Variants in SYT17 observed in about 807,000 individuals in gnomAD.
The protein encoded by SYT17 is synaptotagmin-17.
A neutral mutation model predicts 46.7 loss-of-function variants in SYT17; 22 were observed. That is an observed-to-expected ratio of 0.47 (90% CI 0.34 to 0.67). The LOEUF (loss-of-function observed/expected upper bound fraction) is 0.67, where lower values mean the gene tolerates loss of function less well. Among genes scored for constraint, SYT17 ranks in the 30% least tolerant of loss-of-function variants. The pLI, the probability that SYT17 is intolerant of heterozygous loss-of-function variation, is 0.01. For missense variants in SYT17, 519 were observed against 612.8 expected, an observed-to-expected ratio of 0.85 and a Z score of 1.62; for synonymous variants, 251 against 248.4, an observed-to-expected ratio of 1.01 and a Z score of -0.10.
At chr16:19,210,225 A>G (rs1365792733) in intron 5 of SYT17, among the ~76,000 whole-genome samples, 1 of 152,100 alleles carries the variant, frequency 6.6e-6, no homozygotes, top group Non-Finnish European at 1.5e-5. Context: ...CTACTCTACT[A>G]TCAAACATTT....
rs67609928 is a variant in SYT17 at position 19,259,682 on chromosome 16, A to ATT, written c.1229-7186_1229-7185dup. Among the ~76,000 whole-genome samples, 653 of 147,896 alleles carry ATT rather than the reference A, an allele frequency of 4.4e-3. 3 individuals carry two copies. Among genetic ancestry groups the ATT allele is most frequent in the East Asian group, 0.014 (70 of 5,064 alleles). ...TGTGACATCAATTCTGAATGTTTTGATTTTTTTTTTTTTCTTGCCACACTC... is the reference window on the plus strand; with the variant it reads ...TGTGACATCAATTCTGAATGTTTTGATTTTTTTTTTTTTTTCTTGCCACACTC... On this transcript the variant is annotated intron_variant, in intron 7 of 7. Transcript: ENST00000355377.
At position 19,183,788 on chromosome 16, in the gene SYT17, C is replaced by T; in HGVS notation, c.592C>T (p.His198Tyr). 6.2e-7 allele frequency: 1 copy of T among 1,614,200 alleles called. No individual in the cohort carries two copies. The highest frequency in any genetic ancestry group is 8.5e-7 in the Non-Finnish European group (1 of 1,180,040). Residue 198 changes from histidine to tyrosine, a missense_variant, in exon 5 of 8, where the codon CAC becomes TAC. By Grantham distance (83) the His-to-Tyr change is moderately conservative. Coordinates refer to ENST00000355377, the MANE Select transcript of SYT17 (RefSeq NM_016524.4). This position sits in a 1 kb window ranked among gnomAD's most constrained non-coding sequence, Gnocchi z 5.6. Reference sequence around the variant, plus strand: ...CTTCAGCACTCAGTACGACCTGCTGCACAACCACCTCACCGTGCGCGTGAT... The same window carrying T: ...CTTCAGCACTCAGTACGACCTGCTGTACAACCACCTCACCGTGCGCGTGAT... ...LHFSTQYDLL[H>Y]NHLTVRVIEA...
Position 19,168,625 on chromosome 16 carries a change from G to C in SYT17, c.-22G>C. 2 of 1,541,000 alleles carry C rather than the reference G, an allele frequency of 1.3e-6. No homozygotes were observed. Among genetic ancestry groups the C allele is most frequent in the Non-Finnish European group, 1.8e-6 (2 of 1,141,894 alleles). On this transcript the variant is annotated 5_prime_UTR_variant, in exon 1 of 8. Transcript: ENST00000355377. The surrounding 1 kb of genome is among the most constrained non-coding windows in gnomAD (Gnocchi z 6.9). ...CCGTGGCGGCGCCATGCCCGGGCCG[G>C]AGTGAGTGCGCGCGGGCGAAAATGG...
intron 7 of SYT17, among the ~76,000 whole-genome samples, chr16:19,231,103 G>A (rs1328617975): frequency 6.6e-6 from 1 of 152,168 alleles, no homozygotes; most frequent in African/African-American, 2.4e-5. Flanking sequence ...CCTGGGTAGG[G>A]TATTGTCTTC....
At chr16:19,175,199 C>T (rs1227758645) in intron 3 of SYT17, among the ~76,000 whole-genome samples, 1 of 152,118 alleles carries the variant, frequency 6.6e-6, no homozygotes, top group Non-Finnish European at 1.5e-5. Context: ...GTTTTATAAG[C>T]ATTTATTTCT....
At chr16:19,179,106 C>T (rs143281821) in intron 3 of SYT17, among the ~76,000 whole-genome samples, 157 of 151,948 alleles carry the variant, frequency 1.0e-3, no homozygotes, top group Middle Eastern at 3.4e-3. Flanking sequence ...CTGTTTACTA[C>T]GCAACCAAGC....
Position 19,168,468 on chromosome 16 carries a change from G to C in SYT17, c.-179G>C, listed in dbSNP as rs972609197. ...AGAGCCGGAACGCAGGGAAAGGCAA[G>C]GACGGGGCGGCCGGCGGAGGGGCGG... On this transcript the variant is annotated 5_prime_UTR_variant, in exon 1 of 8. Coordinates refer to ENST00000355377, the MANE Select transcript of SYT17 (RefSeq NM_016524.4). This position sits in a 1 kb window ranked among gnomAD's most constrained non-coding sequence, Gnocchi z 6.9. 8.6e-6 allele frequency: 7 copies of C among 816,946 alleles called. No individual in the cohort carries two copies. In the African/African-American group the frequency reaches 1.3e-4, roughly 15 times the overall value. The allele number at this position is 816,946 out of a possible 1,614,324, so 50.6% of individuals were successfully genotyped here.
intron 6 of SYT17, among the ~76,000 whole-genome samples, chr16:19,224,051 T>C (rs1191808522): frequency 6.6e-6 from 1 of 152,230 alleles, no homozygotes; most frequent in East Asian, 1.9e-4. Context: ...TTTAAACAAA[T>C]ATTAAATTAG....
intron 7 of SYT17, among the ~76,000 whole-genome samples, chr16:19,247,954 A>G (rs1157057300): frequency 1.3e-5 from 2 of 152,226 alleles, no homozygotes; most frequent in Non-Finnish European, 2.9e-5. Flanking sequence ...GCCCTGAGAG[A>G]AATTTTTGGC....
intron 7 of SYT17, among the ~76,000 whole-genome samples, chr16:19,258,148 G>A (rs1968711772): frequency 6.6e-6 from 1 of 151,994 alleles, no homozygotes; most frequent in Admixed American, 6.6e-5. Context: ...ACTCCTTCAG[G>A]GTACTTAGGT....
At chr16:19,197,896 A>C (rs1544355) in intron 5 of SYT17, among the ~76,000 whole-genome samples, 105,767 of 152,072 alleles carry the variant, frequency 0.7, 37,303 homozygotes, top group African/African-American at 0.79. Flanking sequence ...ACTGTACCAA[A>C]ACTCACTGTA....
intron 5 of SYT17, among the ~76,000 whole-genome samples, chr16:19,194,658 C>T (rs921335765): frequency 1.3e-5 from 2 of 152,138 alleles, no homozygotes; most frequent in East Asian, 1.9e-4. Flanking sequence ...TGCAGGGGTG[C>T]GATCATGATC....
chr16:19,204,869 A>T (rs1965604725), intron 5 of SYT17, among the ~76,000 whole-genome samples: 1 of 151,834 alleles, frequency 6.6e-6, no homozygotes, highest in South Asian at 2.1e-4. Flanking sequence ...TGGACTGTTG[A>T]TTTTGCCCCA....
At chr16:19,180,246 C>T (rs1210369555) in intron 3 of SYT17, 145 bp from the exon 4 acceptor site, 4 of 787,508 alleles carry the variant, frequency 5.1e-6, no homozygotes, top group African/African-American at 3.5e-5. Flanking sequence ...AGTTTAAGGA[C>T]ACCACACTGT....
chr16:19,248,544 G>T (rs148064554), intron 7 of SYT17, among the ~76,000 whole-genome samples: 3,376 of 152,290 alleles, frequency 0.022, 89 homozygotes, highest in Admixed American at 0.061. Flanking sequence ...TACTGGGCCG[G>T]GCGTGGTGGC....
At chr16:19,257,791 G>A (rs184419687) in intron 7 of SYT17, among the ~76,000 whole-genome samples, 105 of 152,188 alleles carry the variant, frequency 6.9e-4, no homozygotes, top group African/African-American at 2.2e-3. Context: ...GAGGTTTCGG[G>A]GTGCCAGCCA....
At chr16:19,210,674 G>T (rs1420171834) in intron 5 of SYT17, among the ~76,000 whole-genome samples, 3 of 152,142 alleles carry the variant, frequency 2.0e-5, no homozygotes, top group Non-Finnish European at 4.4e-5. Flanking sequence ...TAAAGCACTG[G>T]CATTGCGGTT....
intron 7 of SYT17, 136 bp downstream of exon 7, chr16:19,224,974 C>A: frequency 1.0e-6 from 1 of 960,536 alleles, no homozygotes; most frequent in Non-Finnish European, 1.5e-6. Flanking sequence ...TTTGAACCCA[C>A]TTAACATCTA....
chr16:19,238,256 A>T (rs544962114), intron 7 of SYT17, among the ~76,000 whole-genome samples: 6 of 151,960 alleles, frequency 3.9e-5, no homozygotes, highest in Admixed American at 2.0e-4. Context: ...TGTAGATCTC[A>T]GTTCCCAGCT....
Sources: allele counts gnomAD v4.1 joint callset (sites outside exome capture counted in the v4.1 genomes callset), GRCh38; gene constraint gnomAD v4.1.1; non-coding constraint Gnocchi (gnomAD v3.1); transcripts MANE v1.5; gene names NCBI Gene and HGNC (gene_info 2026-07-23, HGNC 2026-07-21).